PIP4K2A: variants seen among roughly 807,000 people sequenced by gnomAD.
PIP4K2A encodes the protein phosphatidylinositol 5-phosphate 4-kinase type-2 alpha.
A neutral mutation model predicts 42.9 loss-of-function variants in PIP4K2A; 14 were observed. That is an observed-to-expected ratio of 0.33 (90% CI 0.22 to 0.51). PIP4K2A has a LOEUF of 0.51. PIP4K2A is among the 20% of genes least tolerant of loss of function. The pLI is 0.97. For missense variants in PIP4K2A, 434 were observed against 519.8 expected (o/e 0.83, Z 1.61); for synonymous variants, 192 against 192.2 (o/e 1.00, Z 0.01).
intron 1 of PIP4K2A, among the ~76,000 whole-genome samples, chr10:22,712,531 C>A (rs1833928682): frequency 1.3e-5 from 2 of 151,918 alleles, no homozygotes; most frequent in African/African-American, 4.8e-5. Flanking sequence ...AATAAGGGAC[C>A]CAAAAACTAC....
intron 1 of PIP4K2A, among the ~76,000 whole-genome samples, chr10:22,711,536 T>C (rs1199689671): frequency 6.6e-6 from 1 of 152,220 alleles, no homozygotes; most frequent in African/African-American, 2.4e-5. Flanking sequence ...GACTTGGAAA[T>C]CATCCAAACA....
chr10:22,611,414 AC>A (rs67723634), intron 1 of PIP4K2A, among the ~76,000 whole-genome samples: 13,791 of 42,318 alleles, frequency 0.33, 2,022 homozygotes, highest in African/African-American at 0.5. Flanking sequence ...AACAACAACA[AC>A]AAAAAAAAAA....
At chr10:22,561,430 A>G (rs1836691731) in intron 6 of PIP4K2A, among the ~76,000 whole-genome samples, 1 of 152,218 alleles carries the variant, frequency 6.6e-6, no homozygotes, top group Non-Finnish European at 1.5e-5. Context: ...ATTTGAAATG[A>G]CAGTTTCAAA....
At chr10:22,688,687 A>C (rs970586202) in intron 1 of PIP4K2A, among the ~76,000 whole-genome samples, 3 of 152,122 alleles carry the variant, frequency 2.0e-5, no homozygotes, top group African/African-American at 4.8e-5. Flanking sequence ...TCCTGGGCTA[A>C]AGTGATCCTC....
intron 1 of PIP4K2A, among the ~76,000 whole-genome samples, chr10:22,674,973 A>AG (rs1270580697): frequency 6.6e-6 from 1 of 151,858 alleles, no homozygotes; most frequent in African/African-American, 2.4e-5. Context: ...TCTGTCTTTA[A>AG]AAAACAAAAA....
At chr10:22,585,321 T>C (rs1457318422) in intron 4 of PIP4K2A, among the ~76,000 whole-genome samples, 1 of 152,130 alleles carries the variant, frequency 6.6e-6, no homozygotes, top group Non-Finnish European at 1.5e-5. Context: ...TAACAGGGAG[T>C]TCAGATTTTG....
At chr10:22,707,202 A>T (rs1216383371) in intron 1 of PIP4K2A, among the ~76,000 whole-genome samples, 1 of 152,210 alleles carries the variant, frequency 6.6e-6, no homozygotes, top group East Asian at 1.9e-4. Context: ...ACAAGTATGA[A>T]TTGATTTAAT....
At chr10:22,614,176 TTCCA>T (rs1164152865) in intron 1 of PIP4K2A, among the ~76,000 whole-genome samples, 3 of 152,184 alleles carry the variant, frequency 2.0e-5, no homozygotes. Context: ...ATTCCCCATC[TTCCA>T]AAACCAGACT....
chr10:22,601,164 C>CAAAAAAAAAAA (rs1226127427), intron 3 of PIP4K2A, among the ~76,000 whole-genome samples: 1 of 57,662 alleles, frequency 1.7e-5, no homozygotes, highest in Non-Finnish European at 3.6e-5. Flanking sequence ...AAAAAAAAAA[C>CAAAAAAAAAAA]AAACCAGGAA....
intron 1 of PIP4K2A, among the ~76,000 whole-genome samples, chr10:22,614,942 G>A (rs1265387946): frequency 6.6e-6 from 1 of 152,086 alleles, no homozygotes; most frequent in South Asian, 2.1e-4. Flanking sequence ...TTTATATAGC[G>A]CTCTGGGCTG....
intron 6 of PIP4K2A, among the ~76,000 whole-genome samples, chr10:22,553,866 C>T (rs147532908): frequency 5.2e-4 from 75 of 145,248 alleles, no homozygotes; most frequent in East Asian, 2.8e-3. Flanking sequence ...CTGGGCGTGG[C>T]GGCTCACACC....
intron 1 of PIP4K2A, among the ~76,000 whole-genome samples, chr10:22,702,925 T>C (rs1338481622): frequency 1.3e-5 from 2 of 152,154 alleles, no homozygotes; most frequent in Non-Finnish European, 2.9e-5. Flanking sequence ...AAACTTATTG[T>C]TCTAGTTGAG....
intron 1 of PIP4K2A, among the ~76,000 whole-genome samples, chr10:22,667,732 T>G (rs1416471103): frequency 1.3e-5 from 2 of 152,158 alleles, no homozygotes; most frequent in Non-Finnish European, 2.9e-5. Context: ...AAACTAATAC[T>G]TGTAAAAAGA....
At chr10:22,538,523 G>T (rs1835998816) in intron 9 of PIP4K2A, among the ~76,000 whole-genome samples, 1 of 152,176 alleles carries the variant, frequency 6.6e-6, no homozygotes, top group African/African-American at 2.4e-5. Context: ...AAAAACAGGA[G>T]CTCCAAAAGT....
At position 22,614,096 on chromosome 10, in the gene PIP4K2A, T is replaced by C. The variant is rs371528546; in HGVS notation, c.145-4379A>G. Among the ~76,000 whole-genome samples, 27 of 152,320 alleles carry C rather than the reference T, an allele frequency of 1.8e-4. No homozygotes were observed. In the East Asian group the frequency reaches 4.8e-3, roughly 27 times the overall value. ...TTCTTGGAAGGAGTGCAGCCCTACA[T>C]GGCCCTTGAGGGACGGAGAGTTCTG... On this transcript the variant is annotated intron_variant, in intron 1 of 9. Transcript: ENST00000376573.
chr10:22,671,745 T>TACACACACACACACACACACAC lies in PIP4K2A; in HGVS notation c.144+42416_144+42437dup, dbSNP rs143696456. ...TGAATTTTCTGATTTACTTGGAAAA[T>TACACACACACACACACACACAC]ACACACACACACACACACACACACA... On this transcript the variant is annotated intron_variant, in intron 1 of 9. Transcript: ENST00000376573. Among the ~76,000 whole-genome samples, 270 of 144,664 alleles carry TACACACACACACACACACACAC rather than the reference T, an allele frequency of 1.9e-3. 2 individuals are homozygous for TACACACACACACACACACACAC. The highest frequency in any genetic ancestry group is 3.3e-3 in the African/African-American group (130 of 39,660). The allele number at this position is 144,664 out of a possible 152,430, so 94.9% of individuals were successfully genotyped here.
chr10:22,661,349 CTTTTTTTTT>C (rs374324575), intron 1 of PIP4K2A, among the ~76,000 whole-genome samples: 1 of 99,824 alleles, frequency 1.0e-5, no homozygotes, highest in Non-Finnish European at 2.0e-5. Context: ...ATGATGCTGC[CTTTTTTTTT>C]TTTTTTTTTT....
chr10:22,639,849 G>A (rs117265254), intron 1 of PIP4K2A, among the ~76,000 whole-genome samples: 22 of 152,062 alleles, frequency 1.4e-4, no homozygotes, highest in African/African-American at 2.2e-4. Flanking sequence ...CTTCAGCCAC[G>A]TAAATTCACA....
chr10:22,622,443 C>T lies in PIP4K2A; in HGVS notation c.145-12726G>A, dbSNP rs568202190. On this transcript the variant is annotated intron_variant, in intron 1 of 9. Transcript: ENST00000376573. ...GGGCTGGGCTGGGCGTCACGGAGCA[C>T]GGGAGGAGCCAGTTACCATCTGTGC... Among the ~76,000 whole-genome samples the T allele has an allele frequency of 3.5e-4, 54 of 152,344 alleles. No homozygotes were observed. The South Asian group carries it at 0.01, about 29-fold the overall frequency.
Sources: allele counts gnomAD v4.1 joint callset (sites outside exome capture counted in the v4.1 genomes callset), GRCh38; gene constraint gnomAD v4.1.1; transcripts MANE v1.5; gene names NCBI Gene and HGNC (gene_info 2026-07-23, HGNC 2026-07-21).